Variants in CLASP1 observed in about 807,000 individuals in gnomAD.
CLASP1 encodes the protein cytoplasmic linker associated protein 1.
A neutral mutation model predicts 192.3 loss-of-function variants in CLASP1; 38 were observed. The ratio of observed to expected loss-of-function variants is 0.20; its 90% CI spans 0.15 to 0.26. The LOEUF (loss-of-function observed/expected upper bound fraction) is 0.26. Ranked by LOEUF, CLASP1 falls within the 10% of genes least tolerant of loss-of-function variation. The pLI, the probability that CLASP1 is intolerant of heterozygous loss-of-function variation, is 1.00. For synonymous variants in CLASP1, 691 were observed against 712.8 expected (o/e 0.97, Z 0.49); for missense variants, 1,433 against 1,932.5 (o/e 0.74, Z 4.85).
intron 8 of CLASP1, among the ~76,000 whole-genome samples, chr2:121,478,612 A>ACACAC (rs2091940496): frequency 7.5e-6 from 1 of 133,454 alleles, no homozygotes; most frequent in African/African-American, 2.8e-5. Flanking sequence ...AAACACACAC[A>ACACAC]CACACCACAC....
chr2:121,418,640 G>T, exon 23 of CLASP1: 1 of 1,613,680 alleles, frequency 6.2e-7, no homozygotes, highest in Non-Finnish European at 8.5e-7. Context: ...GGAAAGCCCC[G>T]AGCAGGGCTT....
chr2:121,492,676 A>AT (rs925772978), intron 8 of CLASP1, among the ~76,000 whole-genome samples: 1 of 88,774 alleles, frequency 1.1e-5, no homozygotes, highest in African/African-American at 1.1e-4. Flanking sequence ...AAAAAAAATA[A>AT]AAAAAAAAAA....
intron 7 of CLASP1, among the ~76,000 whole-genome samples, chr2:121,513,671 A>G (rs2094205278): frequency 6.6e-6 from 1 of 152,224 alleles, no homozygotes; most frequent in Non-Finnish European, 1.5e-5. Context: ...TACAAAGCAC[A>G]ATCAGCAAAG....
At chr2:121,506,029 A>G (rs2093937604) in intron 7 of CLASP1, among the ~76,000 whole-genome samples, 1 of 152,196 alleles carries the variant, frequency 6.6e-6, no homozygotes, top group African/African-American at 2.4e-5. Context: ...AAAGAGAAAG[A>G]AAAAGTTTTT....
Position 121,572,208 on chromosome 2 carries a change from C to T in CLASP1, c.195+33493G>A, listed in dbSNP as rs186232775. On this transcript the variant is annotated intron_variant, in intron 2 of 39. Coordinates refer to ENST00000263710, the Ensembl canonical transcript of CLASP1. ...CTTTGGGAGGCCAAGGCGGGTGGAT[C>T]ACGAGATCAGGAGATCGAGACGATC... Among the ~76,000 whole-genome samples the T allele has an allele frequency of 7.0e-3, 1,062 of 152,238 alleles. 42 individuals are homozygous for T. Among genetic ancestry groups the T allele is most frequent in the Admixed American group, 0.062 (948 of 15,288 alleles).
intron 2 of CLASP1, chr2:121,531,074 G>GTGGT: frequency 1.4e-6 from 1 of 689,980 alleles, no homozygotes; most frequent in South Asian, 1.5e-5. Context: ...CTAGTACTTT[G>GTGGT]TGGTTAAACC....
chr2:121,493,159 G>A (rs1187734086), intron 8 of CLASP1, among the ~76,000 whole-genome samples: 1 of 152,036 alleles, frequency 6.6e-6, no homozygotes, highest in Non-Finnish European at 1.5e-5. Flanking sequence ...AATTTATACG[G>A]AACCACAAAA....
At chr2:121,403,926 T>C (rs2076523614) in intron 26 of CLASP1, 1 of 421,518 alleles carries the variant, frequency 2.4e-6, no homozygotes, top group African/African-American at 2.0e-5. Context: ...ATAAATCCAT[T>C]ACATATTCTC....
At chr2:121,549,706 C>CAAAAA (rs57551536) in intron 2 of CLASP1, among the ~76,000 whole-genome samples, 2 of 70,638 alleles carry the variant, frequency 2.8e-5, no homozygotes, top group African/African-American at 1.1e-4. Context: ...CAATCCTCTG[C>CAAAAA]AAAAAAAAAA....
At chr2:121,644,378 A>T (rs1260471628) in intron 1 of CLASP1, among the ~76,000 whole-genome samples, 1 of 151,422 alleles carries the variant, frequency 6.6e-6, no homozygotes, top group Non-Finnish European at 1.5e-5. Flanking sequence ...GGCCGGGGGC[A>T]GTGGGTCACA....
intron 2 of CLASP1, among the ~76,000 whole-genome samples, chr2:121,594,046 C>G (rs2062790542): frequency 6.6e-6 from 1 of 151,774 alleles, no homozygotes; most frequent in Non-Finnish European, 1.5e-5. Flanking sequence ...CGCCTGTAAT[C>G]CCAACACTTT....
At chr2:121,528,805 C>A (rs1023106511) in intron 3 of CLASP1, 25 bp from the exon 4 acceptor site, 2 of 1,567,100 alleles carry the variant, frequency 1.3e-6, no homozygotes, top group Admixed American at 3.3e-5. Flanking sequence ...GGAAACTGAT[C>A]AAATGAAACC....
chr2:121,436,298 T>C (rs1042324219), intron 19 of CLASP1, among the ~76,000 whole-genome samples: 14 of 150,776 alleles, frequency 9.3e-5, no homozygotes, highest in East Asian at 2.0e-4. Flanking sequence ...TCCCAAAGCA[T>C]TGGGATTAAG....
chr2:121,472,961 T>C (rs755627689), intron 8 of CLASP1, among the ~76,000 whole-genome samples: 1 of 152,176 alleles, frequency 6.6e-6, no homozygotes, highest in Non-Finnish European at 1.5e-5. Context: ...CTTATCTGAT[T>C]TGCCAAAACA....
At chr2:121,470,142 A>G in intron 8 of CLASP1, 182 bp from the exon 9 acceptor site, 1 of 664,618 alleles carries the variant, frequency 1.5e-6, no homozygotes, top group Non-Finnish European at 2.7e-6. Context: ...GAATGAAGCT[A>G]CAAAGATCAT....
intron 8 of CLASP1, among the ~76,000 whole-genome samples, chr2:121,473,211 T>C (rs1220920130): frequency 6.6e-6 from 1 of 152,172 alleles, no homozygotes; most frequent in Non-Finnish European, 1.5e-5. Context: ...CTATTATAAC[T>C]ATGTTCAATA....
intron 2 of CLASP1, among the ~76,000 whole-genome samples, chr2:121,592,915 G>A (rs2062590335): frequency 6.6e-6 from 1 of 152,122 alleles, no homozygotes; most frequent in Non-Finnish European, 1.5e-5. Flanking sequence ...CAAAGTGCTG[G>A]GATTACAGGC....
intron 29 of CLASP1, among the ~76,000 whole-genome samples, chr2:121,397,708 T>C (rs1007797930): frequency 6.6e-6 from 1 of 152,214 alleles, no homozygotes; most frequent in Non-Finnish European, 1.5e-5. Flanking sequence ...TGCTCTGTCC[T>C]AACTTCACCA....
intron 2 of CLASP1, among the ~76,000 whole-genome samples, chr2:121,573,193 C>T (rs1374017978): frequency 2.0e-5 from 3 of 152,198 alleles, no homozygotes; most frequent in Admixed American, 2.0e-4. Flanking sequence ...CTCCTGACCT[C>T]AGGTGATTCA....
Sources: allele counts gnomAD v4.1 joint callset (sites outside exome capture counted in the v4.1 genomes callset), GRCh38; gene constraint gnomAD v4.1.1; transcripts MANE v1.5; gene names NCBI Gene and HGNC (gene_info 2026-07-23, HGNC 2026-07-21).